The following KCTD8 variants were observed in gnomAD, a reference collection of about 807,000 sequenced individuals.
KCTD8 encodes the protein BTB/POZ domain-containing protein KCTD8.
KCTD8 carries 27 observed loss-of-function variants against 31.5 expected under a neutral mutation model. The observed-to-expected ratio is 0.86, with a 90% CI of 0.63 to 1.18. KCTD8 has a LOEUF of 1.18. Among genes scored for constraint, KCTD8 ranks in the 50% most tolerant of loss-of-function variants. The pLI is 0.00. For synonymous variants in KCTD8, 290 were observed against 280.0 expected (o/e 1.04, Z -0.36); for missense variants, 658 against 647.7 (o/e 1.02, Z -0.17).
chr4:44,447,795 C>G lies in KCTD8; in HGVS notation c.729G>C (p.Leu243=). 6.2e-7 allele frequency: 1 copy of G among 1,606,934 alleles called. No individual in the cohort carries two copies. Among genetic ancestry groups the G allele is most frequent in the Non-Finnish European group, 8.5e-7 (1 of 1,176,002 alleles). ...GCGTGTCCCCGAAGACCTCCTTGGC[C>G]AGCGCGATGCGCCCGCACACCATGA... ...ARIMVCGRIA[L]AKEVFGDTLN... The change falls in exon 1 of 2, where the codon CTG becomes CTC. Residue 243 remains leucine, a synonymous_variant. Coordinates refer to ENST00000360029, the MANE Select transcript of KCTD8 (RefSeq NM_198353.3).
intron 1 of KCTD8, among the ~76,000 whole-genome samples, chr4:44,220,647 T>C (rs546347428): frequency 6.6e-6 from 1 of 152,296 alleles, no homozygotes; most frequent in East Asian, 1.9e-4. Flanking sequence ...TTCTTAGTAT[T>C]GAACAGAGAC....
At chr4:44,231,782 GTCTC>G (rs147754953) in intron 1 of KCTD8, among the ~76,000 whole-genome samples, 52 of 150,240 alleles carry the variant, frequency 3.5e-4, no homozygotes, top group Non-Finnish European at 6.1e-4. Flanking sequence ...ATCTCACTGT[GTCTC>G]TCTCTCTCTC....
intron 1 of KCTD8, among the ~76,000 whole-genome samples, chr4:44,392,188 G>A (rs777636707): frequency 4.6e-5 from 7 of 151,678 alleles, no homozygotes; most frequent in South Asian, 4.2e-4. Flanking sequence ...TTTACTTTCC[G>A]ATAAACACTG....
intron 1 of KCTD8, among the ~76,000 whole-genome samples, chr4:44,259,838 G>T (rs1028681292): frequency 5.9e-5 from 9 of 151,786 alleles, no homozygotes; most frequent in African/African-American, 2.2e-4. Flanking sequence ...GTTATTTGAG[G>T]TATATTGGGT....
intron 1 of KCTD8, among the ~76,000 whole-genome samples, chr4:44,386,664 T>C (rs772339019): frequency 5.3e-5 from 8 of 151,522 alleles, no homozygotes; most frequent in Non-Finnish European, 1.2e-4. Context: ...TAAGTCAGTA[T>C]AACCACTAGG....
intron 1 of KCTD8, among the ~76,000 whole-genome samples, chr4:44,206,155 A>G (rs1423849182): frequency 2.6e-5 from 4 of 152,132 alleles, no homozygotes; most frequent in Admixed American, 2.6e-4. Flanking sequence ...GTGGAGAGAC[A>G]TAACAAGAGC....
intron 1 of KCTD8, among the ~76,000 whole-genome samples, chr4:44,286,424 C>G (rs1369408242): frequency 6.6e-6 from 1 of 152,084 alleles, no homozygotes; most frequent in Non-Finnish European, 1.5e-5. Flanking sequence ...CCCTTTATAA[C>G]ACAATATATT....
chr4:44,278,820 C>A (rs1317215140), intron 1 of KCTD8, among the ~76,000 whole-genome samples: 2 of 152,018 alleles, frequency 1.3e-5, no homozygotes, highest in Admixed American at 1.3e-4. Flanking sequence ...TCCATTATTT[C>A]TCAGATATGG....
chr4:44,336,751 A>C (rs561931301), intron 1 of KCTD8, among the ~76,000 whole-genome samples: 9 of 152,236 alleles, frequency 5.9e-5, no homozygotes, highest in African/African-American at 1.7e-4. Flanking sequence ...TAATGAATTA[A>C]AATATCCTGA....
chr4:44,250,622 A>T (rs536766897), intron 1 of KCTD8, among the ~76,000 whole-genome samples: 1 of 151,882 alleles, frequency 6.6e-6, no homozygotes, highest in South Asian at 2.1e-4. Flanking sequence ...TTCTCTCTCT[A>T]GGTTTGACTT....
intron 1 of KCTD8, among the ~76,000 whole-genome samples, chr4:44,189,431 G>A (rs1022760387): frequency 1.7e-5 from 2 of 116,334 alleles, no homozygotes; most frequent in Non-Finnish European, 3.6e-5. Flanking sequence ...TTGGAATAAC[G>A]AGGTTAATCC....
At chr4:44,241,833 G>C (rs375321294) in intron 1 of KCTD8, among the ~76,000 whole-genome samples, 212 of 152,208 alleles carry the variant, frequency 1.4e-3, no homozygotes, top group African/African-American at 4.9e-3. Context: ...AAAGTAACCT[G>C]GTAATGAAGA....
intron 1 of KCTD8, among the ~76,000 whole-genome samples, chr4:44,213,977 T>A (rs779399689): frequency 6.6e-6 from 1 of 152,196 alleles, no homozygotes; most frequent in Non-Finnish European, 1.5e-5. Context: ...AGAGAACAAG[T>A]CTCAGCCAAC....
intron 1 of KCTD8, among the ~76,000 whole-genome samples, chr4:44,398,857 T>C (rs188443003): frequency 1.3e-5 from 2 of 152,274 alleles, no homozygotes; most frequent in Non-Finnish European, 2.9e-5. Context: ...TCAGGATGAT[T>C]GACGCATATT....
Position 44,271,292 on chromosome 4 carries a change from C to T in KCTD8, c.962-96042G>A, listed in dbSNP as rs180896245. On this transcript the variant is annotated intron_variant, in intron 1 of 1. Transcript: ENST00000360029. ...ATACAAATCCTCTAGAAGGTATATT[C>T]ACCCTAATGAATAGTAATCAATCAT... Among the ~76,000 whole-genome samples, 376 of 152,258 alleles carry T rather than the reference C, an allele frequency of 2.5e-3. 1 individual carries two copies. Among genetic ancestry groups the T allele is most frequent in the African/African-American group, 8.3e-3 (345 of 41,552 alleles).
chr4:44,323,152 C>T (rs962786930), intron 1 of KCTD8, among the ~76,000 whole-genome samples: 1 of 152,036 alleles, frequency 6.6e-6, no homozygotes, highest in Non-Finnish European at 1.5e-5. Flanking sequence ...ACAGGGATTG[C>T]ACTGAATGTG....
At chr4:44,328,099 A>T (rs1324498604) in intron 1 of KCTD8, among the ~76,000 whole-genome samples, 2 of 151,948 alleles carry the variant, frequency 1.3e-5, no homozygotes, top group Admixed American at 6.6e-5. Flanking sequence ...CAAACACAAG[A>T]TCCAAATAAA....
At chr4:44,436,256 C>T (rs1012351718) in intron 1 of KCTD8, among the ~76,000 whole-genome samples, 7 of 152,020 alleles carry the variant, frequency 4.6e-5, no homozygotes, top group Middle Eastern at 3.4e-3. Context: ...AATATTGGTA[C>T]AGAAGAACAA....
intron 1 of KCTD8, among the ~76,000 whole-genome samples, chr4:44,234,398 T>C (rs796394528): frequency 2.0e-4 from 31 of 152,280 alleles, no homozygotes; most frequent in African/African-American, 7.5e-4. Flanking sequence ...CTGAGCTCCC[T>C]GTGTTCTGAA....
Sources: gnomAD v4.1 joint callset for allele counts (sites outside exome capture counted in the v4.1 genomes callset) on GRCh38, gnomAD v4.1.1 for gene constraint, MANE v1.5 for transcripts, NCBI Gene and HGNC (gene_info 2026-07-23, HGNC 2026-07-21) for gene names.